The following AOPEP variants were observed in gnomAD, a reference collection of about 807,000 sequenced individuals.
AOPEP encodes the protein aminopeptidase O.
In AOPEP, 77 loss-of-function variants were observed where a neutral mutation model predicts 98.1. The observed-to-expected ratio is 0.78, with a 90% CI of 0.65 to 0.95. The LOEUF is 0.95. AOPEP is among the 40% of genes least tolerant of loss of function. AOPEP has a pLI of 0.00. For missense variants in AOPEP, 1,024 were observed against 1,024.7 expected, an observed-to-expected ratio of 1.00 and a Z score of 0.01; for synonymous variants, 346 against 365.3, an observed-to-expected ratio of 0.95 and a Z score of 0.60.
chr9:95,024,762 G>A (rs1463902242), intron 13 of AOPEP, among the ~76,000 whole-genome samples: 2 of 152,134 alleles, frequency 1.3e-5, no homozygotes, highest in Admixed American at 1.3e-4. Context: ...TAGCGTTTCC[G>A]ATTTCCTGCT....
chr9:95,035,255 A>C (rs1052777605), intron 13 of AOPEP, among the ~76,000 whole-genome samples: 4 of 151,806 alleles, frequency 2.6e-5, no homozygotes, highest in Non-Finnish European at 5.9e-5. Context: ...CATTGATGAC[A>C]TACCAGTTTT....
intron 13 of AOPEP, among the ~76,000 whole-genome samples, chr9:95,020,707 C>G (rs1441871955): frequency 1.3e-5 from 2 of 151,676 alleles, no homozygotes; most frequent in Admixed American, 1.3e-4. Context: ...CGCTTGAGCT[C>G]AGGAGTTCAA....
chr9:94,758,986 T>C (rs1165999927), intron 1 of AOPEP, among the ~76,000 whole-genome samples: 1 of 152,060 alleles, frequency 6.6e-6, no homozygotes, highest in Non-Finnish European at 1.5e-5. Flanking sequence ...AGAATGTTAA[T>C]GGGTTTTCAG....
At chr9:95,004,679 G>C (rs1174487879) in intron 11 of AOPEP, among the ~76,000 whole-genome samples, 1 of 151,062 alleles carries the variant, frequency 6.6e-6, no homozygotes, top group Non-Finnish European at 1.5e-5. Context: ...TCTCGCTGCC[G>C]GGAAGCCGCT....
chr9:95,015,498 C>G (rs952575877), intron 13 of AOPEP, among the ~76,000 whole-genome samples: 1 of 152,084 alleles, frequency 6.6e-6, no homozygotes, highest in Non-Finnish European at 1.5e-5. Flanking sequence ...ACGTACAAAA[C>G]CCTGAGTCAG....
At chr9:94,763,172 C>A in intron 2 of AOPEP, 1 of 427,912 alleles carries the variant, frequency 2.3e-6, no homozygotes, top group Admixed American at 2.8e-5. Context: ...ATCTGTATCT[C>A]AAGTGAGAAA....
the AOPEP span, among the ~76,000 whole-genome samples, chr9:95,120,987 A>G: frequency 2.0e-5 from 3 of 152,000 alleles, no homozygotes; most frequent in Non-Finnish European, 2.9e-5. Context: ...CCAACCTCAC[A>G]TGAGGGCAGC....
chr9:94,741,312 G>A (rs140777361), intron 1 of AOPEP, among the ~76,000 whole-genome samples: 1,752 of 148,984 alleles, frequency 0.012, 33 homozygotes, highest in African/African-American at 0.041. Flanking sequence ...TTGCTCTGTC[G>A]CCCAGGCTGG....
the AOPEP span, among the ~76,000 whole-genome samples, chr9:95,137,351 G>A: frequency 5.3e-5 from 8 of 152,242 alleles, no homozygotes; most frequent in East Asian, 5.8e-4. Context: ...GGGAGACTGC[G>A]GAGGAGCTGG....
At chr9:95,118,478 G>T in the AOPEP span, among the ~76,000 whole-genome samples, 2 of 152,228 alleles carry the variant, frequency 1.3e-5, no homozygotes, top group East Asian at 3.8e-4. Context: ...AAGTATATGA[G>T]GTTTTGGTAA....
chr9:94,823,333 C>A (rs1044373923), intron 5 of AOPEP, among the ~76,000 whole-genome samples: 44 of 152,178 alleles, frequency 2.9e-4, no homozygotes, highest in African/African-American at 1.0e-3. Context: ...GCAGTTGACT[C>A]GCTTTCTATT....
intron 5 of AOPEP, among the ~76,000 whole-genome samples, chr9:94,918,919 T>TTTG (rs1040163805): frequency 6.6e-6 from 1 of 151,896 alleles, no homozygotes; most frequent in African/African-American, 2.4e-5. Context: ...TAATTTTAAT[T>TTTG]TTGTTGTTGT....
chr9:95,134,597 G>A, the AOPEP span, among the ~76,000 whole-genome samples: 3 of 152,226 alleles, frequency 2.0e-5, no homozygotes, highest in Non-Finnish European at 4.4e-5. Context: ...AGAGGCTGCG[G>A]GACCATGGCA....
intron 11 of AOPEP, among the ~76,000 whole-genome samples, chr9:94,988,902 C>A (rs1589178960): frequency 6.7e-6 from 1 of 149,842 alleles, no homozygotes; most frequent in Non-Finnish European, 1.5e-5. Flanking sequence ...AAATAAGTTT[C>A]TTTTCCTTTC....
chr9:95,044,368 C>G (rs1363974802), intron 13 of AOPEP, among the ~76,000 whole-genome samples: 2 of 151,504 alleles, frequency 1.3e-5, no homozygotes, highest in Non-Finnish European at 1.5e-5. Context: ...AAAACTGGCT[C>G]CGCTGGATGC....
At chr9:95,126,865 A>G in the AOPEP span, 2 of 406,540 alleles carry the variant, frequency 4.9e-6, no homozygotes, top group Non-Finnish European at 9.2e-6. Context: ...AGAATCAGTA[A>G]GTATTAGAGA....
intron 16 of AOPEP, chr9:95,085,848 A>G (rs1009231377): frequency 4.4e-6 from 5 of 1,144,280 alleles, no homozygotes; most frequent in South Asian, 3.3e-5. Context: ...GTGGTAGCTC[A>G]TGGCTGTGAG....
intron 10 of AOPEP, among the ~76,000 whole-genome samples, chr9:94,974,563 T>G (rs1281622380): frequency 6.6e-6 from 1 of 152,222 alleles, no homozygotes; most frequent in Non-Finnish European, 1.5e-5. Flanking sequence ...GCTCTCCTGC[T>G]CCCACACTTT....
At chr9:94,991,776 A>G (rs1352591263) in intron 11 of AOPEP, among the ~76,000 whole-genome samples, 1 of 152,156 alleles carries the variant, frequency 6.6e-6, no homozygotes, top group Non-Finnish European at 1.5e-5. Context: ...TCCACTAGAT[A>G]TTTCTAAACG....
Sources: allele counts gnomAD v4.1 joint callset (sites outside exome capture counted in the v4.1 genomes callset), GRCh38; gene constraint gnomAD v4.1.1; transcripts MANE v1.5; gene names NCBI Gene and HGNC (gene_info 2026-07-23, HGNC 2026-07-21).